FAM83D: variants seen among roughly 807,000 people sequenced by gnomAD.
FAM83D encodes the protein protein FAM83D.
In FAM83D, 26 loss-of-function variants were observed where a neutral mutation model predicts 25.4. That is an observed-to-expected ratio of 1.02 (90% CI 0.75 to 1.42). The LOEUF (loss-of-function observed/expected upper bound fraction) is 1.42, where lower values mean the gene tolerates loss of function less well. Ranked by LOEUF, FAM83D falls within the 40% of genes most tolerant of loss-of-function variation. The pLI, the probability that FAM83D is intolerant of heterozygous loss-of-function variation, is 0.00. For missense variants in FAM83D, 740 were observed against 758.1 expected, an observed-to-expected ratio of 0.98 and a Z score of 0.28; for synonymous variants, 310 against 318.5, an observed-to-expected ratio of 0.97 and a Z score of 0.28.
intron 2 of FAM83D, 139 bp from the exon 3 acceptor site, chr20:38,947,737 A>G (rs909852169): frequency 4.3e-6 from 4 of 923,942 alleles, no homozygotes; most frequent in African/African-American, 3.3e-5. Context: ...TACTGTCACT[A>G]AATGGTGACC....
At chr20:38,930,937 A>G (rs2085656569) in intron 1 of FAM83D, among the ~76,000 whole-genome samples, 1 of 149,216 alleles carries the variant, frequency 6.7e-6, no homozygotes, top group South Asian at 2.1e-4. Context: ...CGCCCGGCCA[A>G]TTTTTGTGTT....
At chr20:38,947,747 C>A in intron 2 of FAM83D, 129 bp from the exon 3 acceptor site, 5 of 1,110,092 alleles carry the variant, frequency 4.5e-6, no homozygotes, top group Admixed American at 2.1e-5. Context: ...AAATGGTGAC[C>A]CTAAGCCACG....
chr20:38,939,898 C>T (rs1328501881), intron 1 of FAM83D, among the ~76,000 whole-genome samples: 2 of 152,106 alleles, frequency 1.3e-5, no homozygotes, highest in African/African-American at 4.8e-5. Flanking sequence ...GCCCTTTGAC[C>T]CAGATGCTAT....
At position 38,926,741 on chromosome 20, in the gene FAM83D, C is replaced by A; in HGVS notation, c.299C>A (p.Thr100Asn). The stretch of plus-strand genomic sequence containing the variant: ...TCCTCGCACGACTGCTCTTCGGGCA[C>A]CTACTTCCCCGAGCAGTCGGACCTG... ...FGSSHDCSSG[T>N]YFPEQSDLEP... The change falls in exon 1 of 4, where the codon ACC (threonine) becomes AAC (asparagine). Residue 100 changes from threonine (T) to asparagine (N), a missense_variant. Physicochemically the swap from Thr to Asn is moderately conservative, Grantham distance 65. Coordinates refer to ENST00000619850, the MANE Select transcript of FAM83D (RefSeq NM_030919.3). The A allele has an allele frequency of 1.3e-6, 2 of 1,533,886 alleles. No homozygotes were observed. The highest frequency in any genetic ancestry group is 5.0e-5 in the East Asian group (2 of 40,374).
At chr20:38,934,053 A>G (rs181869879) in intron 1 of FAM83D, among the ~76,000 whole-genome samples, 6 of 152,008 alleles carry the variant, frequency 3.9e-5, no homozygotes, top group Non-Finnish European at 7.4e-5. Context: ...ACAGGGTTTC[A>G]CCATGTCGGC....
At chr20:38,930,425 T>G (rs1241393533) in intron 1 of FAM83D, among the ~76,000 whole-genome samples, 1 of 152,000 alleles carries the variant, frequency 6.6e-6, no homozygotes, top group Non-Finnish European at 1.5e-5. Context: ...AGAGCTGGGC[T>G]CAAGCCCAAG....
intron 2 of FAM83D, among the ~76,000 whole-genome samples, chr20:38,945,888 G>A (rs1199496659): frequency 6.6e-6 from 1 of 151,676 alleles, no homozygotes; most frequent in Non-Finnish European, 1.5e-5. Context: ...TTGGCACTGC[G>A]CCCGGCTGGA....
At chr20:38,949,575 A>G (rs927057246) in intron 3 of FAM83D, among the ~76,000 whole-genome samples, 19 of 152,296 alleles carry the variant, frequency 1.2e-4, no homozygotes, top group South Asian at 1.2e-3. Flanking sequence ...ACTGTGTTCT[A>G]TGATCTCTGT....
Position 38,952,372 on chromosome 20 carries a change from G to T in FAM83D, c.1610G>T (p.Gly537Val), listed in dbSNP as rs1414594815. 1.2e-6 allele frequency: 2 copies of T among 1,614,196 alleles called. No individual in the cohort carries two copies. Among genetic ancestry groups the T allele is most frequent in the African/African-American group, 1.3e-5 (1 of 75,062 alleles). Residue 537 changes from glycine (G) to valine (V), a missense_variant, in exon 4 of 4, where the codon GGT becomes GTT. Around this residue, in one of 3 missense-constraint regions of FAM83D, gnomAD observed 375 missense variants for 403.2 expected, o/e 0.93. Coordinates refer to ENST00000619850, the MANE Select transcript of FAM83D (RefSeq NM_030919.3). ...LNKERQFHFA[G>V]IRSRLNHMLA... ...AAAGAGCGGCAATTCCACTTCGCTG[G>T]TATCAGGTCCCGGCTCAACCACATG... is the stretch of plus-strand genomic sequence containing the variant.
intron 1 of FAM83D, among the ~76,000 whole-genome samples, chr20:38,941,237 G>T (rs1017917194): frequency 6.6e-6 from 1 of 152,200 alleles, no homozygotes; most frequent in Non-Finnish European, 1.5e-5. Context: ...TGCAGTGGAA[G>T]TCATTTGGTT....
Position 38,930,396 on chromosome 20 carries a change from C to T in FAM83D, c.483+3471C>T, listed in dbSNP as rs573246139. Among the ~76,000 whole-genome samples the T allele has an allele frequency of 1.6e-4, 24 of 152,182 alleles. No individual in the cohort carries two copies. In the South Asian group the frequency reaches 2.1e-3, roughly 13 times the overall value. On this transcript the variant is annotated intron_variant, in intron 1 of 3. Coordinates refer to ENST00000619850, the MANE Select transcript of FAM83D (RefSeq NM_030919.3). The stretch of plus-strand genomic sequence containing the variant: ...AGAAGTTAAGTAACTTGCCTGAGAT[C>T]ACACAGTTAGCATGGGACAGAGCTG...
chr20:38,942,571 G>C (rs1292806679), intron 2 of FAM83D, among the ~76,000 whole-genome samples: 3 of 152,188 alleles, frequency 2.0e-5, no homozygotes. Flanking sequence ...CATATGATAT[G>C]ATTCCATTAA....
chr20:38,926,686 G>A lies in FAM83D; in HGVS notation c.244G>A (p.Ala82Thr). The A allele has an allele frequency of 4.6e-6, 7 of 1,519,518 alleles. No individual in the cohort carries two copies. Among genetic ancestry groups the A allele is most frequent in the Non-Finnish European group, 4.4e-6 (5 of 1,140,420 alleles). 94.1% of individuals were successfully genotyped at this position (1,519,518 alleles called of 1,614,324 possible). A position where few individuals can be genotyped will look rare whatever the true frequency, so the allele number is the denominator to read the frequency against. The change falls in exon 1 of 4, where the codon GCG becomes ACG. Residue 82 changes from alanine (A) to threonine (T), a missense_variant. Ala to Thr is a moderately conservative substitution (Grantham distance 58). Coordinates refer to ENST00000619850, the MANE Select transcript of FAM83D (RefSeq NM_030919.3). ...GAGGCCGGGAGAGGAGGGCGCGGCG[G>A]CGGCGGCGGCGGCCGAGGACTCGTT... is the stretch of plus-strand genomic sequence containing the variant. ...AERPGEEGAA[A>T]AAAAEDSFGS...
intron 1 of FAM83D, among the ~76,000 whole-genome samples, chr20:38,935,260 C>T (rs1446278568): frequency 6.6e-6 from 1 of 152,162 alleles, no homozygotes; most frequent in African/African-American, 2.4e-5. Context: ...CCCCCTACCC[C>T]CTAACTTCTT....
Position 38,951,642 on chromosome 20 carries a change from T to C in FAM83D, c.880T>C (p.Ser294Pro). ...GGAGTTCCGAATCCTGTATGCCCAG[T>C]CCAAGCCCATCAGCCCCAAACTCCT... The part of the protein sequence containing the change: ...DLEFRILYAQ[S>P]KPISPKLLSH... The change falls in exon 4 of 4, where the codon TCC (serine) becomes CCC (proline). Residue 294 changes from serine to proline, a missense_variant. By Grantham distance (74) the Ser-to-Pro change is moderately conservative. This residue lies in a region of FAM83D where 375 missense variants were observed against 403.2 expected (regional missense o/e 0.93). Coordinates refer to ENST00000619850, the MANE Select transcript of FAM83D (RefSeq NM_030919.3). 1 of 1,614,186 alleles carries C rather than the reference T, an allele frequency of 6.2e-7. No individual in the cohort carries two copies. Among genetic ancestry groups the C allele is most frequent in the Non-Finnish European group, 8.5e-7 (1 of 1,180,032 alleles).
In FAM83D at chr20:38,943,644, A is replaced by G. The variant is rs149170513; in HGVS notation, c.651+1518A>G. On this transcript the variant is annotated intron_variant, in intron 2 of 3. Coordinates refer to ENST00000619850, the MANE Select transcript of FAM83D (RefSeq NM_030919.3). Reference sequence around the variant, plus strand: ...AGCTAGCTTGGTCACTTTCATGGAAAGAAGAAAGAAAAATTGTCATATTTA... The same window carrying G: ...AGCTAGCTTGGTCACTTTCATGGAAGGAAGAAAGAAAAATTGTCATATTTA... 3.6e-3 allele frequency among the ~76,000 whole-genome samples: 552 copies of G among 152,370 alleles called. 3 individuals are homozygous for G. The highest frequency in any genetic ancestry group is 4.3e-3 in the Non-Finnish European group (294 of 68,038).
chr20:38,938,305 G>T (rs57268934), intron 1 of FAM83D, among the ~76,000 whole-genome samples: 3,231 of 152,310 alleles, frequency 0.021, 124 homozygotes, highest in African/African-American at 0.074. Flanking sequence ...CAGCTGGGCT[G>T]GGTTTTTCTG....
chr20:38,946,505 C>T (rs2085729251), intron 2 of FAM83D, among the ~76,000 whole-genome samples: 2 of 152,130 alleles, frequency 1.3e-5, no homozygotes, highest in African/African-American at 2.4e-5. Flanking sequence ...GCCATGTTAT[C>T]GTCATGCATG....
In FAM83D at chr20:38,948,291, G is replaced by T. The variant is rs111887494; in HGVS notation, c.776+291G>T. Among the ~76,000 whole-genome samples the T allele has an allele frequency of 2.1e-3, 327 of 152,300 alleles. 1 individual carries two copies. Among genetic ancestry groups the T allele is most frequent in the African/African-American group, 7.5e-3 (311 of 41,568 alleles). On this transcript the variant is annotated intron_variant, in intron 3 of 3. Transcript: ENST00000619850. Reference sequence around the variant, plus strand: ...CAAGCCTTGGCCCAGGTCTGCAGGGGACGAACTGGGGGTTAACAGCAACAC... The same window carrying T: ...CAAGCCTTGGCCCAGGTCTGCAGGGTACGAACTGGGGGTTAACAGCAACAC...
Sources: gnomAD v4.1 joint callset for allele counts (sites outside exome capture counted in the v4.1 genomes callset) on GRCh38, gnomAD v4.1.1 for gene constraint, gnomAD v4.1.1 regional missense constraint, MANE v1.5 for transcripts, NCBI Gene and HGNC (gene_info 2026-07-23, HGNC 2026-07-21) for gene names.